The following AXDND1 variants were observed in gnomAD, a reference collection of about 807,000 sequenced individuals.
AXDND1 encodes axonemal dynein light chain domain-containing protein 1.
Under a neutral mutation model 137.5 loss-of-function variants are expected in AXDND1, and 110 were observed. That is an observed-to-expected ratio of 0.80 (90% CI 0.69 to 0.94). AXDND1 has a LOEUF of 0.94. Ranked by LOEUF, AXDND1 falls within the 40% of genes least tolerant of loss-of-function variation. The pLI, the probability that AXDND1 is intolerant of heterozygous loss-of-function variation, is 0.00. For synonymous variants in AXDND1, 414 were observed against 399.7 expected (o/e 1.04, Z -0.43); for missense variants, 1,191 against 1,169.8 (o/e 1.02, Z -0.26).
chr1:179,405,276 A>G (rs61332003), intron 11 of AXDND1, among the ~76,000 whole-genome samples: 16,094 of 152,188 alleles, frequency 0.11, 969 homozygotes, highest in African/African-American at 0.14. Context: ...GCTGCATAGT[A>G]TTCCATGGTG....
intron 16 of AXDND1, chr1:179,447,657 A>G: frequency 7.5e-7 from 1 of 1,338,456 alleles, no homozygotes; most frequent in Non-Finnish European, 1.1e-6. Flanking sequence ...CTGGTTTTCC[A>G]CTGTTCATTC....
At chr1:179,488,572 A>T (rs969570349) in intron 18 of AXDND1, among the ~76,000 whole-genome samples, 1 of 142,464 alleles carries the variant, frequency 7.0e-6, no homozygotes, top group Non-Finnish European at 1.5e-5. Flanking sequence ...GGCCTGATCT[A>T]TCTTTCTTTC....
chr1:179,377,715 A>G (rs1236560809), intron 4 of AXDND1, among the ~76,000 whole-genome samples: 1 of 152,220 alleles, frequency 6.6e-6, no homozygotes, highest in Non-Finnish European at 1.5e-5. Context: ...AACTGCTAAG[A>G]GATTGTTTAA....
At chr1:179,448,231 G>A in intron 16 of AXDND1, 1 of 797,986 alleles carries the variant, frequency 1.3e-6, no homozygotes, top group Non-Finnish European at 2.3e-6. Context: ...CTTTCATAAG[G>A]TTAATTATAT....
At chr1:179,438,204 A>T in intron 15 of AXDND1, among the ~76,000 whole-genome samples, 1 of 152,182 alleles carries the variant, frequency 6.6e-6, no homozygotes, top group East Asian at 1.9e-4. Flanking sequence ...AACAAAGGTG[A>T]TGTTGGATGT....
At chr1:179,462,755 G>GTT (rs34874029) in intron 16 of AXDND1, among the ~76,000 whole-genome samples, 1 of 151,464 alleles carries the variant, frequency 6.6e-6, no homozygotes. Flanking sequence ...ACTTCTTCCT[G>GTT]TTTTTTTCAG....
intron 25 of AXDND1, chr1:179,552,579 T>C (rs772967084): frequency 3.1e-6 from 5 of 1,602,436 alleles, no homozygotes; most frequent in Non-Finnish European, 4.3e-6. Flanking sequence ...AAGGGCAGTC[T>C]GGGTGGGAGG....
chr1:179,532,318 C>T (rs1671111783), intron 23 of AXDND1, among the ~76,000 whole-genome samples: 1 of 152,110 alleles, frequency 6.6e-6, no homozygotes, highest in Admixed American at 6.5e-5. Flanking sequence ...CCTGGTTTAC[C>T]TTGGATTCTA....
rs114724681 is a variant in AXDND1 at position 179,474,884 on chromosome 1, G to A, written c.1997+6243G>A. Among the ~76,000 whole-genome samples, 1,045 of 152,282 alleles carry A rather than the reference G, an allele frequency of 6.9e-3. 11 individuals carry two copies. The highest frequency in any genetic ancestry group is 0.022 in the African/African-American group (933 of 41,552). ...ACCAACCCCTCTTATCACAGGCCTG[G>A]AGGCCTAGGAGGTAAAAATGGTTTC... On this transcript the variant is annotated intron_variant, in intron 17 of 25. Coordinates refer to ENST00000367618, the MANE Select transcript of AXDND1 (RefSeq NM_144696.6).
chr1:179,478,364 A>G (rs1664886202), intron 17 of AXDND1, among the ~76,000 whole-genome samples: 1 of 152,166 alleles, frequency 6.6e-6, no homozygotes, highest in South Asian at 2.1e-4. Context: ...AGTCATTTCC[A>G]TACATCCTTG....
chr1:179,415,514 C>A (rs1654558967), intron 12 of AXDND1, among the ~76,000 whole-genome samples: 1 of 152,114 alleles, frequency 6.6e-6, no homozygotes, highest in African/African-American at 2.4e-5. Flanking sequence ...ACATATAATT[C>A]ACCCAATTAA....
At chr1:179,545,018 A>G (rs1182080374) in intron 25 of AXDND1, 1 of 152,180 alleles carries the variant, frequency 6.6e-6, no homozygotes, top group African/African-American at 2.4e-5. Flanking sequence ...CAGAATCTCT[A>G]TTTCTTGCTT....
intron 12 of AXDND1, among the ~76,000 whole-genome samples, chr1:179,415,060 G>A (rs1259282326): frequency 5.9e-5 from 9 of 152,118 alleles, no homozygotes; most frequent in Admixed American, 3.9e-4. Flanking sequence ...TTTAGATTTC[G>A]GCTGGGCGTG....
chr1:179,482,098 A>ATTTTTTTTTTTTTTTTT (rs57145549), intron 17 of AXDND1, among the ~76,000 whole-genome samples: 2 of 108,038 alleles, frequency 1.9e-5, no homozygotes, highest in African/African-American at 3.9e-5. Context: ...GAGCTTTTTA[A>ATTTTTTTTTTTTTTTTT]TTTTTTTTTT....
At chr1:179,498,401 GA>G (rs1667673385) in intron 20 of AXDND1, among the ~76,000 whole-genome samples, 1 of 152,060 alleles carries the variant, frequency 6.6e-6, no homozygotes, top group African/African-American at 2.4e-5. Flanking sequence ...TAGCAAGGGG[GA>G]AAAGACTCCC....
Position 179,395,200 on chromosome 1 carries a change from C to T in AXDND1, c.1107C>T (p.Ala369=). ...AQALLNAEKN[A]KIVEEYHDLY... ...CTCTTTTAAATGCGGAAAAGAATGC[C>T]AAGTGAGTTGCTTAAAGTTTGTTTA... Residue 369 remains alanine (A), a splice_region_variant and synonymous_variant, in exon 11 of 26, where the codon GCC becomes GCT. Coordinates refer to ENST00000367618, the MANE Select transcript of AXDND1 (RefSeq NM_144696.6). 1 of 1,610,726 alleles carries T rather than the reference C, an allele frequency of 6.2e-7. No homozygotes were observed.
chr1:179,516,189 C>T (rs185624978), intron 21 of AXDND1, among the ~76,000 whole-genome samples: 17 of 152,124 alleles, frequency 1.1e-4, no homozygotes, highest in Middle Eastern at 3.4e-3. Context: ...TGGGTTAATT[C>T]GAAGACCTGG....
Position 179,395,123 on chromosome 1 carries a change from G to C in AXDND1, c.1030G>C (p.Asp344His). The change falls in exon 11 of 26, where the codon GAT (aspartate) becomes CAT (histidine). Residue 344 changes from aspartate (D) to histidine (H), a missense_variant. Asp to His is a moderately conservative substitution (Grantham distance 81, BLOSUM62 -1). Coordinates refer to ENST00000367618, the MANE Select transcript of AXDND1 (RefSeq NM_144696.6). ...GGAACTGTGTCTAGTTCGGGCACAT[G>C]ATGTGAAATTAACAAAGGAAACAGA... The part of the protein sequence containing the change: ...TRELCLVRAH[D>H]VKLTKETEKA... 6.2e-7 allele frequency: 1 copy of C among 1,613,002 alleles called. No individual in the cohort carries two copies. The highest frequency in any genetic ancestry group is 8.5e-7 in the Non-Finnish European group (1 of 1,179,542).
At chr1:179,404,719 TTTG>T (rs1257170098) in intron 11 of AXDND1, among the ~76,000 whole-genome samples, 3 of 152,172 alleles carry the variant, frequency 2.0e-5, no homozygotes, top group Non-Finnish European at 2.9e-5. Context: ...AGTTTTCTTT[TTTG>T]TTGTTGTGTC....
Sources: allele counts gnomAD v4.1 joint callset (sites outside exome capture counted in the v4.1 genomes callset), GRCh38; gene constraint gnomAD v4.1.1; transcripts MANE v1.5; gene names NCBI Gene and HGNC (gene_info 2026-07-23, HGNC 2026-07-21).